The following RNF41 variants were observed in gnomAD, a reference collection of about 807,000 sequenced individuals.
RNF41 encodes ring finger protein 41, also known as E3 ubiquitin-protein ligase NRDP1.
RNF41 carries 4 observed loss-of-function variants against 33.0 expected under a neutral mutation model. The observed-to-expected ratio is 0.12, with a 90% CI of 0.06 to 0.28. The LOEUF is 0.28. Among genes scored for constraint, RNF41 ranks in the 10% least tolerant of loss-of-function variants. RNF41 has a pLI of 1.00. For missense variants in RNF41, 228 were observed against 432.6 expected (o/e 0.53, Z 4.19); for synonymous variants, 164 against 153.2 (o/e 1.07, Z -0.52).
chr12:56,221,332 G>A (rs1455371490), intron 1 of RNF41, among the ~76,000 whole-genome samples: 2 of 152,176 alleles, frequency 1.3e-5, no homozygotes, highest in Non-Finnish European at 2.9e-5. Flanking sequence ...CCAACGACAA[G>A]GCATGGGAGA....
At position 56,210,524 on chromosome 12, in the gene RNF41, C is replaced by G; in HGVS notation, c.135G>C (p.Gln45His). Residue 45 changes from glutamine to histidine, a missense_variant, in exon 4 of 7, where the codon CAG becomes CAC. Coordinates refer to ENST00000345093, the MANE Select transcript of RNF41 (RefSeq NM_005785.4). The stretch of plus-strand genomic sequence containing the variant: ...GACATGTCTGTTGCTGAGAGAACCA[C>G]TGGGTGATGCAGGCGTTGCAGAAAG... ...EHAFCNACITQWFSQQQTCPV... is the reference protein window; with the variant it reads ...EHAFCNACITHWFSQQQTCPV... 6.2e-7 allele frequency: 1 copy of G among 1,614,054 alleles called. No individual in the cohort carries two copies. Among genetic ancestry groups the G allele is most frequent in the Non-Finnish European group, 8.5e-7 (1 of 1,180,040 alleles).
chr12:56,215,442 C>A (rs143564590), intron 2 of RNF41, among the ~76,000 whole-genome samples: 1 of 152,040 alleles, frequency 6.6e-6, no homozygotes, highest in East Asian at 1.9e-4. Context: ...AAGAGAGGGC[C>A]GGGCATGGTG....
At position 56,206,429 on chromosome 12, in the gene RNF41, A is replaced by G. The variant is rs1868265275; in HGVS notation, c.*18T>C. On this transcript the variant is annotated 3_prime_UTR_variant, in exon 7 of 7. Coordinates refer to ENST00000345093, the MANE Select transcript of RNF41 (RefSeq NM_005785.4). This position sits in a 1 kb window ranked among gnomAD's most constrained non-coding sequence, Gnocchi z 5.7. ...ATTTTCTGATTTCCATCTCTTCCTG[A>G]TAGCCAGTCGAGTTCTCTTATATCT... The G allele has an allele frequency of 1.9e-6, 3 of 1,582,476 alleles. No homozygotes were observed. The highest frequency in any genetic ancestry group is 4.5e-5 in the East Asian group (2 of 44,560).
chr12:56,219,613 A>T (rs1869183246), intron 1 of RNF41, among the ~76,000 whole-genome samples: 1 of 150,000 alleles, frequency 6.7e-6, no homozygotes, highest in African/African-American at 2.4e-5. Flanking sequence ...GGCGTGAGCC[A>T]CTGCGCCCGG....
At chr12:56,208,063 T>A in intron 5 of RNF41, 100 bp downstream of exon 5, 1 of 1,406,850 alleles carries the variant, frequency 7.1e-7, no homozygotes, top group Non-Finnish European at 9.9e-7. Context: ...CTCACAAGTG[T>A]AAGCACTGGT....
rs536708804 is a variant in RNF41 at position 56,216,956 on chromosome 12, C to T, written c.-208-343G>A. On this transcript the variant is annotated intron_variant, in intron 1 of 6. Coordinates refer to ENST00000345093, the MANE Select transcript of RNF41 (RefSeq NM_005785.4). ...GAGATCAAGACCGTCCTGGCTAACA[C>T]GGTGAAACCCCGTCTCTACTAAAAA... is the stretch of plus-strand genomic sequence containing the variant. Among the ~76,000 whole-genome samples, 30 of 151,446 alleles carry T rather than the reference C, an allele frequency of 2.0e-4. 1 individual carries two copies. Among genetic ancestry groups the T allele is most frequent in the South Asian group, 6.2e-4 (3 of 4,802 alleles).
intron 2 of RNF41, among the ~76,000 whole-genome samples, chr12:56,215,355 C>T (rs1417783992): frequency 2.6e-5 from 4 of 151,984 alleles, no homozygotes; most frequent in African/African-American, 4.8e-5. Context: ...AACTGGAGAC[C>T]GGAAGAACAT....
chr12:56,207,283 GCCT>G (rs1182570086), intron 6 of RNF41: 1 of 1,339,546 alleles, frequency 7.5e-7, no homozygotes, highest in Non-Finnish European at 9.8e-7. Flanking sequence ...CTTGCACTCT[GCCT>G]CCTCTTCTCT....
intron 5 of RNF41, 60 bp downstream of exon 5, chr12:56,208,103 C>G: frequency 6.2e-7 from 1 of 1,604,870 alleles, no homozygotes; most frequent in South Asian, 1.1e-5. Context: ...TTTTATTACC[C>G]ACAGGCAGGC....
Position 56,207,769 on chromosome 12 carries a change from C to G in RNF41, c.499-20G>C, listed in dbSNP as rs370510527. 2.5e-6 allele frequency: 4 copies of G among 1,584,944 alleles called. No individual in the cohort carries two copies. Among genetic ancestry groups the G allele is most frequent in the Non-Finnish European group, 8.7e-7 (1 of 1,153,426 alleles). On this transcript the variant is annotated intron_variant, in intron 5 of 6. Coordinates refer to ENST00000345093, the MANE Select transcript of RNF41 (RefSeq NM_005785.4). ...TCGCTTCTGTTGTGGGGAAGAAGAA[C>G]AGGAATAATGGTTAAGGCAGACAGC...
At chr12:56,214,111 C>A (rs559474407) in intron 2 of RNF41, 41 bp from the exon 3 acceptor site, 12 of 1,043,350 alleles carry the variant, frequency 1.2e-5, no homozygotes, top group Non-Finnish European at 1.8e-5. Context: ...TCAGAAGAAG[C>A]CTACAAATAT....
At chr12:56,212,400 T>C (rs142852897) in intron 3 of RNF41, among the ~76,000 whole-genome samples, 1 of 152,288 alleles carries the variant, frequency 6.6e-6, no homozygotes, top group Non-Finnish European at 1.5e-5. Flanking sequence ...GAAATGTGTC[T>C]GGGAACCTGG....
At chr12:56,219,774 G>A (rs1365858971) in intron 1 of RNF41, among the ~76,000 whole-genome samples, 2 of 151,708 alleles carry the variant, frequency 1.3e-5, no homozygotes, top group Non-Finnish European at 2.9e-5. Context: ...CAGCACTTTG[G>A]GAGGCCGAAG....
intron 4 of RNF41, chr12:56,208,526 C>T (rs1868321982): frequency 7.4e-6 from 3 of 402,948 alleles, no homozygotes; most frequent in Non-Finnish European, 8.8e-6. Context: ...AATCAAGACA[C>T]AGTGTTTTAT....
intron 4 of RNF41, among the ~76,000 whole-genome samples, chr12:56,209,117 G>A (rs548005995): frequency 4.8e-4 from 73 of 151,862 alleles, no homozygotes; most frequent in African/African-American, 1.7e-3. Context: ...CGCCCGCCTC[G>A]TCCTCCCAAA....
Position 56,208,262 on chromosome 12 carries a change from G to A in RNF41, c.399C>T (p.Asn133=). ...CCACTGAGCGCAGGTGCTTAATGCAGTTATGGTTGGGCAGCTCATCTTTGG... is the reference window on the plus strand; with the variant it reads ...CCACTGAGCGCAGGTGCTTAATGCAATTATGGTTGGGCAGCTCATCTTTGG... The part of the protein sequence containing the change: ...EMPKDELPNH[N]CIKHLRSVVQ... Residue 133 remains asparagine, a synonymous_variant, in exon 5 of 7, where the codon AAC becomes AAT. Coordinates refer to ENST00000345093, the MANE Select transcript of RNF41 (RefSeq NM_005785.4). 1 of 1,614,218 alleles carries A rather than the reference G, an allele frequency of 6.2e-7. No homozygotes were observed. Among genetic ancestry groups the A allele is most frequent in the Non-Finnish European group, 8.5e-7 (1 of 1,180,036 alleles).
rs761077480 is a variant in RNF41 at position 56,208,146 on chromosome 12, C to T, written c.498+17G>A. The T allele has an allele frequency of 4.3e-6, 7 of 1,613,940 alleles. No individual in the cohort carries two copies. Among genetic ancestry groups the T allele is most frequent in the East Asian group, 2.2e-5 (1 of 44,900 alleles). On this transcript the variant is annotated intron_variant, in intron 5 of 6. Transcript: ENST00000345093. Reference sequence around the variant, plus strand: ...TGCATATGAGGGATATGTTCTCCCCCGTGTCTTGGGGCCTACCTGCTCCGC... The same window carrying T: ...TGCATATGAGGGATATGTTCTCCCCTGTGTCTTGGGGCCTACCTGCTCCGC...
At chr12:56,214,811 A>G (rs1051632394) in intron 2 of RNF41, among the ~76,000 whole-genome samples, 2 of 152,162 alleles carry the variant, frequency 1.3e-5, no homozygotes, top group Non-Finnish European at 2.9e-5. Context: ...CCTAGGCAAC[A>G]GAGTAAGACT....
At chr12:56,210,161 G>T in intron 4 of RNF41, 136 bp downstream of exon 4, 1 of 852,582 alleles carries the variant, frequency 1.2e-6, no homozygotes, top group Non-Finnish European at 1.8e-6. Context: ...TCTTAGAGCA[G>T]GAAGCCAAGG....
Sources: gnomAD v4.1 joint callset for allele counts (sites outside exome capture counted in the v4.1 genomes callset) on GRCh38, gnomAD v4.1.1 for gene constraint, Gnocchi (gnomAD v3.1) non-coding constraint, MANE v1.5 for transcripts, NCBI Gene and HGNC (gene_info 2026-07-23, HGNC 2026-07-21) for gene names.